The following COX4I2 variants were observed in gnomAD, a reference collection of about 807,000 sequenced individuals.
COX4I2 encodes cytochrome c oxidase subunit 4 isoform 2, mitochondrial.
In COX4I2, 15 loss-of-function variants were observed where a neutral mutation model predicts 20.8. That is an observed-to-expected ratio of 0.72 (90% confidence interval 0.48 to 1.11). COX4I2 has a LOEUF of 1.11. Ranked by LOEUF, COX4I2 falls within the 50% of genes most tolerant of loss-of-function variation. The pLI, the probability that COX4I2 is intolerant of heterozygous loss-of-function variation, is 0.00. For missense variants in COX4I2, 224 were observed against 223.0 expected, an observed-to-expected ratio of 1.00 and a Z score of -0.03; for synonymous variants, 80 against 78.1, an observed-to-expected ratio of 1.02 and a Z score of -0.13.
chr20:31,642,067 G>C (rs550944876), intron 3 of COX4I2, among the ~76,000 whole-genome samples: 5 of 151,616 alleles, frequency 3.3e-5, no homozygotes, highest in Non-Finnish European at 7.4e-5. Context: ...TGCTCAGGCT[G>C]GTCTTGAACT....
In COX4I2 at chr20:31,644,787, C is replaced by T. The variant is rs1224486170; in HGVS notation, c.399C>T (p.Ile133=). Residue 133 remains isoleucine, a synonymous_variant, in exon 5 of 5, where the codon ATC becomes ATT. Coordinates refer to ENST00000376075, the MANE Select transcript of COX4I2 (RefSeq NM_032609.3). The part of the protein sequence containing the change: ...QRVYVFPPKP[I]TLTDERKAQQ... ...CTGCAGTATTTCCTCCAAAGCCGAT[C>T]ACCTTGACGGACGAGCGGAAAGCCC... The T allele has an allele frequency of 1.9e-6, 3 of 1,614,120 alleles. No homozygotes were observed. Among genetic ancestry groups the T allele is most frequent in the East Asian group, 2.2e-5 (1 of 44,872 alleles).
chr20:31,639,046 T>C lies in COX4I2; in HGVS notation c.29T>C (p.Val10Ala). The stretch of plus-strand genomic sequence containing the variant: ...CTCCCCAGAGCTGCCTGGAGCTTGG[T>C]GCTGAGGAAAGGTGGAGGTGGAAGA... MLPRAAWSL[V>A]LRKGGGGRRG... Residue 10 changes from valine to alanine, a missense_variant, in exon 2 of 5, where the codon GTG becomes GCG. Transcript: ENST00000376075. 6.2e-7 allele frequency: 1 copy of C among 1,612,522 alleles called. No individual in the cohort carries two copies. Among genetic ancestry groups the C allele is most frequent in the Non-Finnish European group, 8.5e-7 (1 of 1,179,498 alleles).
At position 31,644,996 on chromosome 20, in the gene COX4I2, C is replaced by A; in HGVS notation, c.*92C>A. 1 of 1,462,034 alleles carries A rather than the reference C, an allele frequency of 6.8e-7. No homozygotes were observed. Among genetic ancestry groups the A allele is most frequent in the Non-Finnish European group, 9.3e-7 (1 of 1,073,352 alleles). The allele number at this position is 1,462,034 out of a possible 1,614,324, so 90.6% of individuals were successfully genotyped here. A position where few individuals can be genotyped will look rare whatever the true frequency, so the allele number is the denominator to read the frequency against. On this transcript the variant is annotated 3_prime_UTR_variant, in exon 5 of 5. Transcript: ENST00000376075. ...CCCTGCCCTTAACCCCAGTAAAGCT[C>A]CAAAAAAAAATTTATTCTCTTCTGC... is the stretch of plus-strand genomic sequence containing the variant.
chr20:31,644,852 T>C lies in COX4I2; in HGVS notation c.464T>C (p.Val155Ala), dbSNP rs552620771. The part of the protein sequence containing the change: ...QRMLDMKVNP[V>A]QGLASRWDYE... Reference sequence around the variant, plus strand: ...ATGCTGGACATGAAGGTGAATCCTGTGCAGGGCCTGGCCTCCCGCTGGGAC... The same window carrying C: ...ATGCTGGACATGAAGGTGAATCCTGCGCAGGGCCTGGCCTCCCGCTGGGAC... Residue 155 changes from valine (V) to alanine (A), a missense_variant, in exon 5 of 5, where the codon GTG becomes GCG. Physicochemically the swap from Val to Ala is moderately conservative, Grantham distance 64. Transcript: ENST00000376075. 100 of 1,614,068 alleles carry C rather than the reference T, an allele frequency of 6.2e-5. No individual in the cohort carries two copies. The East Asian group carries it at 1.8e-3, about 28-fold the overall frequency.
At chr20:31,644,248 G>C (rs962069209) in intron 4 of COX4I2, among the ~76,000 whole-genome samples, 1 of 152,202 alleles carries the variant, frequency 6.6e-6, no homozygotes, top group East Asian at 1.9e-4. Flanking sequence ...AATTATAGTA[G>C]GTAACATGTA....
intron 3 of COX4I2, 92 bp downstream of exon 3, chr20:31,640,189 C>A: frequency 7.3e-7 from 1 of 1,374,372 alleles, no homozygotes; most frequent in Non-Finnish European, 9.9e-7. Flanking sequence ...CAGAGAGAGG[C>A]CCCCAAGACA....
chr20:31,640,343 C>T (rs919848819), intron 3 of COX4I2, among the ~76,000 whole-genome samples: 11 of 152,132 alleles, frequency 7.2e-5, no homozygotes, highest in Non-Finnish European at 1.0e-4. Flanking sequence ...CCCCATGGTG[C>T]CCCCGGTCCC....
rs1432632159 is a variant in COX4I2, at chr20:31,640,640, G to A, written c.247+543G>A. ...GGGGAGGAGCCCTCTGACCCTGGGA[G>A]GCTGGAGGGATGTGTGGTCCCTTGT... is the stretch of plus-strand genomic sequence containing the variant. On this transcript the variant is annotated intron_variant, in intron 3 of 4. Transcript: ENST00000376075. 5.3e-5 allele frequency among the ~76,000 whole-genome samples: 8 copies of A among 152,084 alleles called. No homozygotes were observed. The East Asian group carries it at 1.5e-3, about 29-fold the overall frequency.
intron 3 of COX4I2, among the ~76,000 whole-genome samples, chr20:31,643,073 G>A (rs960430365): frequency 2.0e-5 from 3 of 152,100 alleles, no homozygotes; most frequent in Admixed American, 6.6e-5. Context: ...CCTGCTTCAG[G>A]GTTTTTGCAC....
chr20:31,641,001 G>T (rs928587078), intron 3 of COX4I2, among the ~76,000 whole-genome samples: 6 of 130,744 alleles, frequency 4.6e-5, no homozygotes, highest in African/African-American at 1.2e-4. Context: ...ACACATCTTG[G>T]TTTTTTCTTC....
intron 3 of COX4I2, 28 bp downstream of exon 3, chr20:31,640,125 G>C (rs370019748): frequency 8.2e-6 from 13 of 1,586,964 alleles, no homozygotes; most frequent in Non-Finnish European, 1.1e-5. Context: ...GCTGGCTGGA[G>C]AGAGTGGGTT....
At chr20:31,638,985 G>A (rs2060451438) in intron 1 of COX4I2, 33 bp from the exon 2 acceptor site, 1 of 1,587,100 alleles carries the variant, frequency 6.3e-7, no homozygotes. Context: ...GGTGATGTGG[G>A]GGCAGAACTC....
At chr20:31,644,394 C>T (rs2060484479) in intron 4 of COX4I2, among the ~76,000 whole-genome samples, 3 of 152,062 alleles carry the variant, frequency 2.0e-5, no homozygotes, top group African/African-American at 4.8e-5. Flanking sequence ...TGTTGAAGGT[C>T]GCAGGGCAAG....
In COX4I2 at chr20:31,644,943, C is replaced by A; in HGVS notation, c.*39C>A. On this transcript the variant is annotated 3_prime_UTR_variant, in exon 5 of 5. Coordinates refer to ENST00000376075, the MANE Select transcript of COX4I2 (RefSeq NM_032609.3). ...CTGTCTCCCTGAGGCTCCGCCCTGG[C>A]TGGGAGCCTCTGGCGGCCCCTCCCC... 1 of 1,604,204 alleles carries A rather than the reference C, an allele frequency of 6.2e-7. No individual in the cohort carries two copies.
At position 31,639,094 on chromosome 20, in the gene COX4I2, G is replaced by T; in HGVS notation, c.77G>T (p.Gly26Val). The T allele has an allele frequency of 6.2e-7, 1 of 1,609,834 alleles. No individual in the cohort carries two copies. The highest frequency in any genetic ancestry group is 8.5e-7 in the Non-Finnish European group (1 of 1,178,344). Residue 26 changes from glycine to valine, a missense_variant, in exon 2 of 5, where the codon GGC becomes GTC. Physicochemically the swap from Gly to Val is moderately radical, Grantham distance 109. Transcript: ENST00000376075. ...GGRRGMHSSE[G>V]TTRGGGKMSP... ...AGACGAGGGATGCACAGCTCAGAAG[G>T]CACCAGTGAGACCTGGACTCCTTCC...
intron 4 of COX4I2, among the ~76,000 whole-genome samples, chr20:31,643,885 T>C (rs1359654129): frequency 6.6e-6 from 1 of 152,206 alleles, no homozygotes; most frequent in Non-Finnish European, 1.5e-5. Context: ...TGTATATATA[T>C]ACTGAACTTC....
chr20:31,643,138 A>G (rs970260140), intron 3 of COX4I2, among the ~76,000 whole-genome samples: 1 of 151,984 alleles, frequency 6.6e-6, no homozygotes, highest in Non-Finnish European at 1.5e-5. Context: ...CTCAGCTCCA[A>G]TGTCACCTCC....
intron 3 of COX4I2, among the ~76,000 whole-genome samples, chr20:31,640,716 T>C (rs1044839089): frequency 5.9e-5 from 9 of 152,086 alleles, no homozygotes; most frequent in African/African-American, 2.2e-4. Context: ...TGGAGCACCT[T>C]ATTTTCATTC....
intron 4 of COX4I2, 71 bp from the exon 5 acceptor site, chr20:31,644,697 G>A: frequency 6.3e-7 from 1 of 1,588,414 alleles, no homozygotes; most frequent in Non-Finnish European, 8.6e-7. Flanking sequence ...GGAGGCTACA[G>A]GGTGGCTGGA....
Sources: allele counts gnomAD v4.1 joint callset (sites outside exome capture counted in the v4.1 genomes callset), GRCh38; gene constraint gnomAD v4.1.1; transcripts MANE v1.5; gene names NCBI Gene and HGNC (gene_info 2026-07-23, HGNC 2026-07-21).